The following RBFOX3 variants were observed in gnomAD, a reference collection of about 807,000 sequenced individuals.
RBFOX3 encodes the protein RNA binding fox-1 homolog 3.
Under a neutral mutation model 48.7 loss-of-function variants are expected in RBFOX3, and 17 were observed. The ratio of observed to expected loss-of-function variants is 0.35; its 90% CI spans 0.24 to 0.52. RBFOX3 has a LOEUF of 0.52. Ranked by LOEUF, RBFOX3 falls within the 20% of genes least tolerant of loss-of-function variation. RBFOX3 has a pLI of 0.94. For synonymous variants in RBFOX3, 212 were observed against 209.5 expected, an observed-to-expected ratio of 1.01 and a Z score of -0.10; for missense variants, 382 against 497.5, an observed-to-expected ratio of 0.77 and a Z score of 2.21.
At chr17:79,101,520 T>G in intron 9 of RBFOX3, 64 bp downstream of exon 9, 1 of 1,414,618 alleles carries the variant, frequency 7.1e-7, no homozygotes. Flanking sequence ...CAGCCTCAGC[T>G]CCCCCAGGGC....
chr17:79,286,627 G>A (rs568840473), intron 3 of RBFOX3, among the ~76,000 whole-genome samples: 14 of 152,318 alleles, frequency 9.2e-5, no homozygotes, highest in Admixed American at 5.2e-4. Context: ...CAGCCACCCC[G>A]AGAGAGCTGC....
At chr17:79,376,564 C>T (rs1043826314) in intron 2 of RBFOX3, among the ~76,000 whole-genome samples, 8 of 152,312 alleles carry the variant, frequency 5.3e-5, no homozygotes, top group East Asian at 1.9e-4. Flanking sequence ...CATATTCCAC[C>T]GTGAGCAAAT....
intron 3 of RBFOX3, among the ~76,000 whole-genome samples, chr17:79,251,635 C>A (rs1041027054): frequency 6.6e-6 from 1 of 152,130 alleles, no homozygotes; most frequent in African/African-American, 2.4e-5. Flanking sequence ...TAGAACATGG[C>A]GCGGCCTCTG....
intron 2 of RBFOX3, among the ~76,000 whole-genome samples, chr17:79,463,035 CCA>C (rs2075609444): frequency 6.9e-6 from 1 of 144,526 alleles, no homozygotes. Context: ...ACCTCCACCA[CCA>C]TCGCCACTGC....
At chr17:79,324,447 G>C (rs1164046752) in intron 2 of RBFOX3, among the ~76,000 whole-genome samples, 2 of 152,040 alleles carry the variant, frequency 1.3e-5, no homozygotes. Flanking sequence ...TCAAGGGCTA[G>C]TGAGGAGTCA....
chr17:79,186,151 C>A (rs2053350105), intron 4 of RBFOX3, among the ~76,000 whole-genome samples: 1 of 152,232 alleles, frequency 6.6e-6, no homozygotes, highest in Non-Finnish European at 1.5e-5. Flanking sequence ...TCCAGCCTCA[C>A]CTCCAGATTG....
Position 79,362,012 on chromosome 17 carries a change from A to G in RBFOX3, c.-174-54188T>C, listed in dbSNP as rs1239397016. Among the ~76,000 whole-genome samples, 1 of 152,166 alleles carries G rather than the reference A, an allele frequency of 6.6e-6. No homozygotes were observed. Among genetic ancestry groups the G allele is most frequent in the African/African-American group, 2.4e-5 (1 of 41,454 alleles). On this transcript the variant is annotated intron_variant, in intron 2 of 14. Transcript: ENST00000693108. This position sits in a 1 kb window ranked among gnomAD's most constrained non-coding sequence, Gnocchi z 4.2. Reference sequence around the variant, plus strand: ...AGATTCTTCGAGTCTCTCTGTAAATAATACAGCTGCCTTGGACGAATGTTC... The same window carrying G: ...AGATTCTTCGAGTCTCTCTGTAAATGATACAGCTGCCTTGGACGAATGTTC...
intron 4 of RBFOX3, among the ~76,000 whole-genome samples, chr17:79,215,723 C>A (rs181845696): frequency 1.9e-4 from 29 of 152,372 alleles, no homozygotes; most frequent in Non-Finnish European, 3.4e-4. Context: ...AGGAGCGTAT[C>A]CCCCAGGCTT....
chr17:79,522,620 G>A (rs1449363695), intron 1 of RBFOX3, among the ~76,000 whole-genome samples: 7 of 152,074 alleles, frequency 4.6e-5, no homozygotes, highest in Admixed American at 4.6e-4. Flanking sequence ...CCTCAGGAAT[G>A]TCAGATCTCA....
Position 79,089,886 on chromosome 17 carries a change from G to A in RBFOX3, c.*997C>T, listed in dbSNP as rs2073584470. ...TCCCCATCCCTTGCCCTTCCCATGG[G>A]CCCCTGCTCTGGCTGTGCCCGTCCA... On this transcript the variant is annotated 3_prime_UTR_variant, in exon 15 of 15. Transcript: ENST00000693108. 6.6e-6 allele frequency: 1 copy of A among 152,398 alleles called. No individual in the cohort carries two copies. Among genetic ancestry groups the A allele is most frequent in the African/African-American group, 2.4e-5 (1 of 41,434 alleles). 9.4% of individuals were successfully genotyped at this position (152,398 alleles called of 1,614,324 possible). A position where few individuals can be genotyped will look rare whatever the true frequency, so the allele number is the denominator to read the frequency against.
rs746309396 is a variant in RBFOX3, at chr17:79,243,182, G to A, written c.-73-7377C>T. Among the ~76,000 whole-genome samples the A allele has an allele frequency of 1.0e-5, 1 of 98,124 alleles. No homozygotes were observed. The highest frequency in any genetic ancestry group is 2.1e-5 in the Non-Finnish European group (1 of 46,832). The allele number at this position is 98,124 out of a possible 152,430, so 64.4% of individuals were successfully genotyped here. A position where few individuals can be genotyped will look rare whatever the true frequency, so the allele number is the denominator to read the frequency against. ...ATTGCCCTAAATGCCACAGCTGGTA[G>A]CGGTTGCAGCTGAGTTTGCGCGAGA... On this transcript the variant is annotated intron_variant, in intron 3 of 14. Transcript: ENST00000693108. The surrounding 1 kb of genome is among the most constrained non-coding windows in gnomAD (Gnocchi z 7.9).
chr17:79,270,612 A>G (rs1439687625), intron 3 of RBFOX3, among the ~76,000 whole-genome samples: 1 of 152,254 alleles, frequency 6.6e-6, no homozygotes, highest in East Asian at 1.9e-4. Context: ...CCAGGCCAGG[A>G]CGCACCACTA....
At chr17:79,580,044 C>T (rs914298459) in intron 1 of RBFOX3, among the ~76,000 whole-genome samples, 6 of 152,028 alleles carry the variant, frequency 3.9e-5, no homozygotes, top group Non-Finnish European at 8.8e-5. Flanking sequence ...AGCGACTGCA[C>T]TCAGCTGGTC....
intron 3 of RBFOX3, among the ~76,000 whole-genome samples, chr17:79,245,695 T>C (rs2063073861): frequency 6.6e-6 from 1 of 150,710 alleles, no homozygotes; most frequent in African/African-American, 2.5e-5. Context: ...TGGCGTGATC[T>C]CAGCCCATTG....
At chr17:79,470,287 G>A (rs911153255) in intron 2 of RBFOX3, among the ~76,000 whole-genome samples, 1 of 152,160 alleles carries the variant, frequency 6.6e-6, no homozygotes, top group African/African-American at 2.4e-5. Flanking sequence ...CCTGGCCCCG[G>A]TGGCCAAAAT....
At chr17:79,497,628 G>C (rs970138075) in intron 1 of RBFOX3, among the ~76,000 whole-genome samples, 1 of 152,200 alleles carries the variant, frequency 6.6e-6, no homozygotes, top group Non-Finnish European at 1.5e-5. Context: ...GAGTAAACAC[G>C]AAGCTCTAGA....
intron 3 of RBFOX3, among the ~76,000 whole-genome samples, chr17:79,275,116 A>T (rs925328673): frequency 1.0e-5 from 1 of 98,116 alleles, no homozygotes; most frequent in Non-Finnish European, 2.2e-5. Flanking sequence ...CTCTCTCTCC[A>T]TGTCTCCCTC....
At chr17:79,612,777 G>A (rs1406098324), upstream of RBFOX3, among the ~76,000 whole-genome samples, 1 of 152,206 alleles carries the variant, frequency 6.6e-6, no homozygotes, top group Non-Finnish European at 1.5e-5. Flanking sequence ...TCTGCTGTCA[G>A]ATGGTCCAGG....
chr17:79,374,830 C>T (rs912607763), intron 2 of RBFOX3, among the ~76,000 whole-genome samples: 1 of 152,250 alleles, frequency 6.6e-6, no homozygotes, highest in Admixed American at 6.5e-5. Flanking sequence ...TCCCCCAGTG[C>T]ATTTAAAATA....
Sources: gnomAD v4.1 joint callset for allele counts (sites outside exome capture counted in the v4.1 genomes callset) on GRCh38, gnomAD v4.1.1 for gene constraint, Gnocchi (gnomAD v3.1) non-coding constraint, MANE v1.5 for transcripts, NCBI Gene and HGNC (gene_info 2026-07-23, HGNC 2026-07-21) for gene names.